ICE2: variants seen among roughly 807,000 people sequenced by gnomAD.
ICE2 encodes interactor of little elongation complex ELL subunit 2, also known as little elongation complex subunit 2.
In ICE2, 87 loss-of-function variants were observed where a neutral mutation model predicts 105.4. That is an observed-to-expected ratio of 0.83 (90% CI 0.69 to 0.99). The LOEUF (loss-of-function observed/expected upper bound fraction) is 0.99, where lower values mean the gene tolerates loss of function less well. ICE2 is among the 50% of genes least tolerant of loss of function. ICE2 has a pLI of 0.00. For missense variants in ICE2, 1,323 were observed against 1,146.7 expected (o/e 1.15, Z -2.22); for synonymous variants, 399 against 392.0 (o/e 1.02, Z -0.21).
chr15:60,476,101 C>G lies in ICE2; in HGVS notation c.108G>C (p.Met36Ile), dbSNP rs757651178. The G allele has an allele frequency of 2.5e-6, 4 of 1,607,750 alleles. No homozygotes were observed. The Admixed American group carries it at 5.1e-5, about 21-fold the overall frequency. ...CACGTAGTTCTTTTAAACTTGGAGCCATGGAATGATCTTTATAATTTTCTC... is the reference window on the plus strand; with the variant it reads ...CACGTAGTTCTTTTAAACTTGGAGCGATGGAATGATCTTTATAATTTTCTC... ...FSRENYKDHS[M>I]APSLKELRVL... The change falls in exon 3 of 16, where the codon ATG becomes ATC. Residue 36 changes from methionine (M) to isoleucine (I), a missense_variant. Coordinates refer to ENST00000261520, the MANE Select transcript of ICE2 (RefSeq NM_024611.6).
At chr15:60,460,117 G>A (rs1387848332) in intron 5 of ICE2, among the ~76,000 whole-genome samples, 1 of 152,072 alleles carries the variant, frequency 6.6e-6, no homozygotes, top group African/African-American at 2.4e-5. Flanking sequence ...CATGATCTCA[G>A]GACTACAAAA....
chr15:60,454,157 A>G (rs2064037395), intron 8 of ICE2, among the ~76,000 whole-genome samples: 1 of 152,238 alleles, frequency 6.6e-6, no homozygotes, highest in Admixed American at 6.5e-5. Context: ...CAATAGACAT[A>G]GTCTTTCATT....
chr15:60,469,230 A>G (rs1595818028), intron 3 of ICE2, among the ~76,000 whole-genome samples: 2 of 152,336 alleles, frequency 1.3e-5, no homozygotes, highest in Non-Finnish European at 2.9e-5. Flanking sequence ...TCTCACTTAT[A>G]AGTGGGAGCT....
rs1322807596 is a variant in ICE2, at chr15:60,452,116, T to C, written c.1125+1487A>G. The stretch of plus-strand genomic sequence containing the variant: ...TGTTTCTTCTTGTTACTGCCTGACA[T>C]TCACCTCAATATAAGTTTTAGGCAG... On this transcript the variant is annotated intron_variant, in intron 9 of 15. Coordinates refer to ENST00000261520, the MANE Select transcript of ICE2 (RefSeq NM_024611.6). 1.3e-5 allele frequency: 13 copies of C among 985,172 alleles called. No homozygotes were observed. The East Asian group carries it at 1.5e-3, about 112-fold the overall frequency. 61.0% of individuals were successfully genotyped at this position (985,172 alleles called of 1,614,324 possible). A position where few individuals can be genotyped will look rare whatever the true frequency, so the allele number is the denominator to read the frequency against.
intron 11 of ICE2, chr15:60,443,000 T>C (rs2063750957): frequency 6.6e-6 from 1 of 152,564 alleles, no homozygotes; most frequent in Non-Finnish European, 1.5e-5. Context: ...CACATTGTCT[T>C]AGGCTCAAAT....
intron 4 of ICE2, among the ~76,000 whole-genome samples, chr15:60,467,069 C>G (rs1251710429): frequency 6.6e-6 from 1 of 152,094 alleles, no homozygotes; most frequent in Non-Finnish European, 1.5e-5. Context: ...CTCACTGCAA[C>G]CTCCGCCTCC....
chr15:60,429,148 G>C (rs926911480), intron 14 of ICE2, among the ~76,000 whole-genome samples: 2 of 152,182 alleles, frequency 1.3e-5, no homozygotes, highest in Non-Finnish European at 2.9e-5. Context: ...TAAAGTGGAA[G>C]AAACAGTCAA....
chr15:60,442,523 G>C lies in ICE2; in HGVS notation c.2318C>G (p.Pro773Arg). 2 of 1,574,376 alleles carry C rather than the reference G, an allele frequency of 1.3e-6. No individual in the cohort carries two copies. The highest frequency in any genetic ancestry group is 1.7e-6 in the Non-Finnish European group (2 of 1,169,402). ...IRRQFPVYVL[P>R]KVEYQACYGV... The stretch of plus-strand genomic sequence containing the variant: ...ATAACAAGCTTGATACTCTACTTTT[G>C]GTAGTACATAAACTGGAAATTGCTG... The change falls in exon 12 of 16, where the codon CCA (proline) becomes CGA (arginine). Residue 773 changes from proline to arginine, a missense_variant. Physicochemically the swap from Pro to Arg is moderately radical, Grantham distance 103. Transcript: ENST00000261520.
intron 15 of ICE2, among the ~76,000 whole-genome samples, chr15:60,425,808 C>A (rs2063328071): frequency 6.6e-6 from 1 of 152,180 alleles, no homozygotes. Flanking sequence ...AAACTAGAAT[C>A]CATATTTGCA....
intron 5 of ICE2, among the ~76,000 whole-genome samples, chr15:60,460,689 C>A (rs968163596): frequency 1.3e-5 from 2 of 152,060 alleles, no homozygotes; most frequent in Non-Finnish European, 2.9e-5. Context: ...CTGGCTCTAC[C>A]CACTAGACGC....
Position 60,460,763 on chromosome 15 carries a change from A to G in ICE2, c.529-3969T>C, listed in dbSNP as rs571888703. Among the ~76,000 whole-genome samples the G allele has an allele frequency of 5.3e-5, 8 of 152,324 alleles. No individual in the cohort carries two copies. The East Asian group carries it at 1.5e-3, about 29-fold the overall frequency. On this transcript the variant is annotated intron_variant, in intron 5 of 15. Coordinates refer to ENST00000261520, the MANE Select transcript of ICE2 (RefSeq NM_024611.6). ...TCCATTAGGAGGCAAAGTCACTCTC[A>G]GTTGAAAATGACTATGCTAGAACAA...
intron 1 of ICE2, chr15:60,478,530 TGAGGTCAACTTAA>T (rs2064835201): frequency 5.0e-6 from 1 of 200,504 alleles, no homozygotes; most frequent in Non-Finnish European, 1.0e-5. Flanking sequence ...TGAGAAGACT[TGAGGTCAACTTAA>T]GTGACATTTC....
Position 60,452,941 on chromosome 15 carries a change from T to A in ICE2, c.1125+662A>T, listed in dbSNP as rs999016035. 4 of 985,308 alleles carry A rather than the reference T, an allele frequency of 4.1e-6. No individual in the cohort carries two copies. The African/African-American group carries it at 7.0e-5, about 17-fold the overall frequency. 61.0% of individuals were successfully genotyped at this position (985,308 alleles called of 1,614,324 possible). A position where few individuals can be genotyped will look rare whatever the true frequency, so the allele number is the denominator to read the frequency against. ...GTTCCTTTTCACACTTAAAAACTCT[T>A]AGATATGGGTCAGGTGCAGTGGCTG... On this transcript the variant is annotated intron_variant, in intron 9 of 15. Coordinates refer to ENST00000261520, the MANE Select transcript of ICE2 (RefSeq NM_024611.6).
At chr15:60,430,178 A>G (rs957268226) in intron 14 of ICE2, among the ~76,000 whole-genome samples, 10 of 152,212 alleles carry the variant, frequency 6.6e-5, no homozygotes, top group Admixed American at 2.6e-4. Flanking sequence ...ACAGAAGAAG[A>G]AGGCAGAAGA....
intron 14 of ICE2, among the ~76,000 whole-genome samples, chr15:60,431,101 T>C (rs538048012): frequency 1.3e-5 from 2 of 152,242 alleles, no homozygotes; most frequent in Admixed American, 6.5e-5. Flanking sequence ...CTCCATCTCC[T>C]GACCTCATGA....
chr15:60,429,521 C>T (rs532106909), intron 14 of ICE2, among the ~76,000 whole-genome samples: 10 of 152,126 alleles, frequency 6.6e-5, no homozygotes, highest in South Asian at 6.2e-4. Flanking sequence ...AATGTATCAT[C>T]TTAAAGAACT....
chr15:60,454,616 T>A (rs973577043), intron 8 of ICE2: 1 of 157,950 alleles, frequency 6.3e-6, no homozygotes, highest in Non-Finnish European at 1.4e-5. Flanking sequence ...CCTCCTTAAA[T>A]CAGTACTTTG....
At chr15:60,453,426 A>G in intron 9 of ICE2, 177 bp downstream of exon 9, 1 of 1,378,002 alleles carries the variant, frequency 7.3e-7, no homozygotes, top group Non-Finnish European at 9.4e-7. Context: ...GAGAAAACTT[A>G]GGCTGAGGGA....
intron 15 of ICE2, among the ~76,000 whole-genome samples, chr15:60,426,028 G>C (rs1190709156): frequency 6.6e-6 from 1 of 152,124 alleles, no homozygotes; most frequent in Non-Finnish European, 1.5e-5. Context: ...ACAACAACCT[G>C]GGCCTGGATA....
Sources: allele counts gnomAD v4.1 joint callset (sites outside exome capture counted in the v4.1 genomes callset), GRCh38; gene constraint gnomAD v4.1.1; transcripts MANE v1.5; gene names NCBI Gene and HGNC (gene_info 2026-07-23, HGNC 2026-07-21).